The following PRKCH variants were observed in gnomAD, a reference collection of about 807,000 sequenced individuals.
PRKCH encodes protein kinase C eta type.
In PRKCH, 28 loss-of-function variants were observed where a neutral mutation model predicts 82.5. The ratio of observed to expected loss-of-function variants is 0.34; its 90% confidence interval spans 0.25 to 0.47. PRKCH has a LOEUF of 0.47. Among genes scored for constraint, PRKCH ranks in the 20% least tolerant of loss-of-function variants. The probability of loss-of-function intolerance (pLI) is 1.00; values close to 1 mark genes in which losing one functional copy is unlikely to be tolerated. For missense variants in PRKCH, 705 were observed against 881.8 expected (o/e 0.80, Z 2.54); for synonymous variants, 322 against 327.4 (o/e 0.98, Z 0.18).
chr14:61,265,143 T>TTTC (rs2045086540), intron 1 of PRKCH, among the ~76,000 whole-genome samples: 1 of 152,196 alleles, frequency 6.6e-6, no homozygotes, highest in African/African-American at 2.4e-5. Context: ...AGGGTTATCC[T>TTTC]CTGTTATGAA....
At chr14:61,487,006 A>C (rs1886254507) in intron 10 of PRKCH, among the ~76,000 whole-genome samples, 1 of 152,254 alleles carries the variant, frequency 6.6e-6, no homozygotes, top group Non-Finnish European at 1.5e-5. Flanking sequence ...AGAGCTTTAA[A>C]AACAGTGAAT....
chr14:61,503,665 A>C (rs1160045471), intron 10 of PRKCH, among the ~76,000 whole-genome samples: 1 of 152,184 alleles, frequency 6.6e-6, no homozygotes, highest in Non-Finnish European at 1.5e-5. Context: ...TTTTATGTCC[A>C]GGAAGGCTGA....
intron 2 of PRKCH, among the ~76,000 whole-genome samples, chr14:61,409,376 A>G (rs1257626149): frequency 6.6e-6 from 1 of 152,138 alleles, no homozygotes; most frequent in East Asian, 1.9e-4. Context: ...AGATACAGAA[A>G]TGCAATGAGA....
At chr14:61,422,759 C>G (rs1023332549) in intron 2 of PRKCH, among the ~76,000 whole-genome samples, 3 of 151,200 alleles carry the variant, frequency 2.0e-5, no homozygotes, top group African/African-American at 4.9e-5. Flanking sequence ...CCCAGATATT[C>G]TTACTTACTG....
At chr14:61,401,617 A>G (rs749363620) in intron 2 of PRKCH, among the ~76,000 whole-genome samples, 2 of 152,212 alleles carry the variant, frequency 1.3e-5, no homozygotes, top group Non-Finnish European at 2.9e-5. Context: ...TCATCATTGT[A>G]TTCTTGATGG....
chr14:61,356,746 A>T (rs2046155823), intron 1 of PRKCH, among the ~76,000 whole-genome samples: 2 of 152,146 alleles, frequency 1.3e-5, no homozygotes, highest in Non-Finnish European at 2.9e-5. Context: ...TGGTGGCATG[A>T]TCTCAGCTCA....
intron 2 of PRKCH, among the ~76,000 whole-genome samples, chr14:61,417,426 C>T (rs568102827): frequency 3.9e-5 from 6 of 152,338 alleles, no homozygotes; most frequent in African/African-American, 1.4e-4. Context: ...TTCAAATGGT[C>T]TGGCTTAGTG....
At chr14:61,450,210 CTGT>C (rs1323471075) in intron 5 of PRKCH, among the ~76,000 whole-genome samples, 2 of 152,124 alleles carry the variant, frequency 1.3e-5, no homozygotes, top group Admixed American at 6.5e-5. Context: ...ATGCATGGAT[CTGT>C]TGTTATAGCA....
chr14:61,349,717 C>T (rs536285527), intron 1 of PRKCH, among the ~76,000 whole-genome samples: 17 of 152,042 alleles, frequency 1.1e-4, no homozygotes, highest in South Asian at 8.3e-4. Flanking sequence ...AAAAATTAGC[C>T]GGGCATGGAA....
rs1393660489 is a variant in PRKCH, at chr14:61,321,707, G to C, written c.-395G>C. 1.3e-5 allele frequency: 2 copies of C among 159,182 alleles called. No individual in the cohort carries two copies. The highest frequency in any genetic ancestry group is 2.4e-5 in the African/African-American group (1 of 41,584). 9.9% of individuals were successfully genotyped at this position (159,182 alleles called of 1,614,324 possible). A position where few individuals can be genotyped will look rare whatever the true frequency, so the allele number is the denominator to read the frequency against. On this transcript the variant is annotated 5_prime_UTR_variant, in exon 1 of 14. Coordinates refer to ENST00000332981, the MANE Select transcript of PRKCH (RefSeq NM_006255.5). This position sits in a 1 kb window ranked among gnomAD's most constrained non-coding sequence, Gnocchi z 4.1. ...GAGGCGGGGGCAGGAGGAGAAGCAA[G>C]AGGAGGCGGGGGAAGAGACGCTTGG...
intron 1 of PRKCH, among the ~76,000 whole-genome samples, chr14:61,230,449 T>C (rs1213296004): frequency 6.6e-6 from 1 of 152,208 alleles, no homozygotes; most frequent in East Asian, 1.9e-4. Flanking sequence ...ATTTTCCATC[T>C]GTAAAGGGAA....
chr14:61,499,421 A>G (rs1258593633), intron 10 of PRKCH, among the ~76,000 whole-genome samples: 1 of 152,156 alleles, frequency 6.6e-6, no homozygotes. Flanking sequence ...ACCCTGGAGA[A>G]CAGTGTCCTG....
At chr14:61,396,288 A>G (rs2046782175) in intron 2 of PRKCH, among the ~76,000 whole-genome samples, 1 of 152,080 alleles carries the variant, frequency 6.6e-6, no homozygotes, top group Non-Finnish European at 1.5e-5. Context: ...TCTGTGATAT[A>G]CAAGGCTGGT....
chr14:61,293,480 A>G (rs1333805990), intron 1 of PRKCH, among the ~76,000 whole-genome samples: 2 of 152,204 alleles, frequency 1.3e-5, no homozygotes, highest in African/African-American at 4.8e-5. Flanking sequence ...TCAAGTAGAT[A>G]TGGAATCTTA....
chr14:61,383,985 C>T (rs1372394381), intron 1 of PRKCH, among the ~76,000 whole-genome samples: 1 of 152,078 alleles, frequency 6.6e-6, no homozygotes, highest in East Asian at 1.9e-4. Context: ...TCTCGGAGAC[C>T]AGCGGAGGCT....
intron 1 of PRKCH, among the ~76,000 whole-genome samples, chr14:61,252,073 C>T (rs546811689): frequency 5.9e-5 from 9 of 152,214 alleles, no homozygotes; most frequent in Non-Finnish European, 8.8e-5. Flanking sequence ...CTCCTGACCT[C>T]GTGATCTGCC....
intron 1 of PRKCH, among the ~76,000 whole-genome samples, chr14:61,191,050 A>G (rs1187119633): frequency 6.6e-6 from 1 of 152,238 alleles, no homozygotes; most frequent in Non-Finnish European, 1.5e-5. Context: ...ACTAATTTCT[A>G]AAATCAAAAC....
intron 1 of PRKCH, chr14:61,304,268 A>G (rs934914813): frequency 1.3e-5 from 2 of 152,132 alleles, no homozygotes; most frequent in Admixed American, 6.6e-5. Flanking sequence ...TTTTACTTCT[A>G]CATGAATTGA....
At chr14:61,455,052 C>T (rs1003764274) in intron 7 of PRKCH, among the ~76,000 whole-genome samples, 38 of 148,922 alleles carry the variant, frequency 2.6e-4, no homozygotes, top group South Asian at 1.0e-3. Context: ...TTTTTTGAGA[C>T]GGAGTCTGGC....
Sources: allele counts gnomAD v4.1 joint callset (sites outside exome capture counted in the v4.1 genomes callset), GRCh38; gene constraint gnomAD v4.1.1; non-coding constraint Gnocchi (gnomAD v3.1); transcripts MANE v1.5; gene names NCBI Gene and HGNC (gene_info 2026-07-23, HGNC 2026-07-21).